Variants in DPY19L2 observed in about 807,000 individuals in gnomAD.
DPY19L2 encodes dpy-19 like 2, also known as probable C-mannosyltransferase DPY19L2.
DPY19L2 carries 34 observed loss-of-function variants against 97.9 expected under a neutral mutation model. That is an observed-to-expected ratio of 0.35 (90% CI 0.26 to 0.46). The LOEUF (loss-of-function observed/expected upper bound fraction) is 0.46, where lower values mean the gene tolerates loss of function less well. Ranked by LOEUF, DPY19L2 falls within the 20% of genes least tolerant of loss-of-function variation. DPY19L2 has a pLI of 1.00. For synonymous variants in DPY19L2, 230 were observed against 307.9 expected, an observed-to-expected ratio of 0.75 and a Z score of 2.65; for missense variants, 623 against 911.4, an observed-to-expected ratio of 0.68 and a Z score of 4.07.
intron 7 of DPY19L2, among the ~76,000 whole-genome samples, chr12:63,624,647 G>C (rs1889234155): frequency 6.6e-6 from 1 of 152,088 alleles, no homozygotes; most frequent in Non-Finnish European, 1.5e-5. Context: ...CGTAAAAAAA[G>C]GTTAAGTATA....
In DPY19L2 at chr12:63,668,461, G is replaced by C; in HGVS notation, c.-68C>G. ...CCAGCCGAGTCAGGCGAGGTCCAGAGAGACCTGACTCGCCTGGCAGCCTCA... is the reference window on the plus strand; with the variant it reads ...CCAGCCGAGTCAGGCGAGGTCCAGACAGACCTGACTCGCCTGGCAGCCTCA... On this transcript the variant is annotated 5_prime_UTR_variant, in exon 1 of 22. Transcript: ENST00000324472. 3 of 1,441,852 alleles carry C rather than the reference G, an allele frequency of 2.1e-6. No individual in the cohort carries two copies. The highest frequency in any genetic ancestry group is 1.8e-6 in the Non-Finnish European group (2 of 1,086,332). The allele number at this position is 1,441,852 out of a possible 1,614,324, so 89.3% of individuals were successfully genotyped here.
intron 11 of DPY19L2, among the ~76,000 whole-genome samples, chr12:63,615,865 A>C (rs1887739306): frequency 6.6e-6 from 1 of 152,076 alleles, no homozygotes; most frequent in Non-Finnish European, 1.5e-5. Flanking sequence ...TACATAACAC[A>C]GTCAGCCCTC....
At chr12:63,640,557 A>G (rs927218586) in intron 6 of DPY19L2, among the ~76,000 whole-genome samples, 3 of 152,164 alleles carry the variant, frequency 2.0e-5, no homozygotes, top group Non-Finnish European at 4.4e-5. Flanking sequence ...AGCCATGGTA[A>G]CAAATACAAA....
chr12:63,656,075 C>T (rs1451254499), intron 4 of DPY19L2, among the ~76,000 whole-genome samples: 1 of 152,108 alleles, frequency 6.6e-6, no homozygotes, highest in Non-Finnish European at 1.5e-5. Flanking sequence ...TTCCTGACCG[C>T]TTCAGGAAAA....
intron 12 of DPY19L2, among the ~76,000 whole-genome samples, chr12:63,601,020 C>A (rs965114447): frequency 2.6e-5 from 4 of 152,054 alleles, no homozygotes; most frequent in East Asian, 1.9e-4. Context: ...CTCCTGACCT[C>A]GTGATCCACC....
At chr12:63,561,609 GTTCC>G (rs1462520684) in intron 21 of DPY19L2, among the ~76,000 whole-genome samples, 2 of 151,406 alleles carry the variant, frequency 1.3e-5, no homozygotes, top group African/African-American at 4.9e-5. Context: ...TGGTTCAGTA[GTTCC>G]TTCCTTTTTG....
At chr12:63,634,621 A>T (rs1052949813) in intron 6 of DPY19L2, among the ~76,000 whole-genome samples, 15 of 152,120 alleles carry the variant, frequency 9.9e-5, no homozygotes, top group African/African-American at 2.7e-4. Context: ...CAAACGGCAC[A>T]CCAGGAGATT....
intron 16 of DPY19L2, among the ~76,000 whole-genome samples, chr12:63,586,264 G>A (rs1439274501): frequency 6.6e-6 from 1 of 151,888 alleles, no homozygotes; most frequent in African/African-American, 2.4e-5. Context: ...CAAATATGAG[G>A]GCAAAATAAA....
chr12:63,571,954 A>G (rs1397254569), intron 19 of DPY19L2, among the ~76,000 whole-genome samples: 1 of 152,194 alleles, frequency 6.6e-6, no homozygotes, highest in Non-Finnish European at 1.5e-5. Flanking sequence ...ACTACATTGG[A>G]GAGGAGGTGG....
At chr12:63,600,611 C>CTTTTTTT (rs71434019) in intron 12 of DPY19L2, among the ~76,000 whole-genome samples, 7 of 110,564 alleles carry the variant, frequency 6.3e-5, no homozygotes, top group African/African-American at 1.8e-4. Flanking sequence ...TATCCTAAAT[C>CTTTTTTT]TTTTTTTTTT....
intron 1 of DPY19L2, 23 bp downstream of exon 1, chr12:63,668,034 G>A (rs1314784601): frequency 3.1e-6 from 5 of 1,607,862 alleles, no homozygotes; most frequent in Non-Finnish European, 4.2e-6. Context: ...CTCCCTCCTA[G>A]GGCTCTCCTG....
intron 6 of DPY19L2, among the ~76,000 whole-genome samples, chr12:63,630,549 G>A (rs554431078): frequency 6.6e-6 from 1 of 152,070 alleles, no homozygotes; most frequent in South Asian, 2.1e-4. Flanking sequence ...CAATACAGGA[G>A]CACCTAGATT....
intron 4 of DPY19L2, among the ~76,000 whole-genome samples, chr12:63,652,500 T>C (rs545663828): frequency 6.6e-6 from 1 of 152,210 alleles, no homozygotes; most frequent in South Asian, 2.1e-4. Flanking sequence ...CTACTCACAA[T>C]AGCAAAGACA....
chr12:63,641,756 C>T (rs1473963675), intron 6 of DPY19L2, among the ~76,000 whole-genome samples: 1 of 151,990 alleles, frequency 6.6e-6, no homozygotes, highest in Admixed American at 6.5e-5. Flanking sequence ...GCAGATAATG[C>T]TACTATATTA....
At chr12:63,666,453 AT>A (rs1480791820) in intron 1 of DPY19L2, 1 of 426,434 alleles carries the variant, frequency 2.3e-6, no homozygotes, top group Non-Finnish European at 4.7e-6. Flanking sequence ...CCATGTATAC[AT>A]AAGACTTCAC....
intron 2 of DPY19L2, 147 bp from the exon 3 acceptor site, chr12:63,663,992 T>C (rs1327786050): frequency 8.1e-6 from 5 of 620,792 alleles, no homozygotes; most frequent in African/African-American, 3.8e-5. Context: ...TTTTTCAGCA[T>C]TTATAATCCA....
intron 6 of DPY19L2, among the ~76,000 whole-genome samples, chr12:63,627,637 A>G (rs913259308): frequency 1.4e-4 from 22 of 152,208 alleles, no homozygotes; most frequent in Admixed American, 2.6e-4. Flanking sequence ...GGCGTGAGCC[A>G]CCGCACCCGG....
chr12:63,604,658 T>C (rs1201906789), intron 12 of DPY19L2, among the ~76,000 whole-genome samples: 1 of 152,154 alleles, frequency 6.6e-6, no homozygotes. Context: ...ATTTCAGTTA[T>C]TGTATTTTTC....
Position 63,668,402 on chromosome 12 carries a change from A to G in DPY19L2, c.-9T>C. On this transcript the variant is annotated 5_prime_UTR_variant, in exon 1 of 22. Coordinates refer to ENST00000324472, the MANE Select transcript of DPY19L2 (RefSeq NM_173812.5). ...ACTCCTTGTTTTCTCATAATCAAGG[A>G]GTATGGTGGAGCTGGGTCAATTTCA... 6.3e-7 allele frequency: 1 copy of G among 1,594,780 alleles called. No individual in the cohort carries two copies. Among genetic ancestry groups the G allele is most frequent in the Non-Finnish European group, 8.5e-7 (1 of 1,170,854 alleles).
Sources: allele counts gnomAD v4.1 joint callset (sites outside exome capture counted in the v4.1 genomes callset), GRCh38; gene constraint gnomAD v4.1.1; transcripts MANE v1.5; gene names NCBI Gene and HGNC (gene_info 2026-07-23, HGNC 2026-07-21).